The following CHD5 variants were observed in gnomAD, a reference collection of about 807,000 sequenced individuals.
CHD5 encodes ATP-dependent chromatin remodeler CHD5.
Under a neutral mutation model 230.3 loss-of-function variants are expected in CHD5, and 69 were observed. The ratio of observed to expected loss-of-function variants is 0.30; its 90% CI spans 0.25 to 0.37. CHD5 has a LOEUF of 0.37. CHD5 is among the 10% of genes least tolerant of loss of function. The pLI is 1.00. For missense variants in CHD5, 1,827 were observed against 2,622.8 expected (o/e 0.70, Z 6.63); for synonymous variants, 1,064 against 1,065.9 (o/e 1.00, Z 0.03).
rs192059204 is a variant in CHD5, at chr1:6,105,985, C to T, written c.*46+249G>A. Among the ~76,000 whole-genome samples the T allele has an allele frequency of 3.9e-4, 60 of 152,294 alleles. No homozygotes were observed. Among genetic ancestry groups the T allele is most frequent in the Non-Finnish European group, 6.8e-4 (46 of 68,018 alleles). On this transcript the variant is annotated intron_variant, in intron 41 of 41. Transcript: ENST00000262450. This position sits in a 1 kb window ranked among gnomAD's most constrained non-coding sequence, Gnocchi z 4.8. ...CACACAGGAGCTCACCCAAGTCCAC[C>T]GACCCCTTCATGTCCTGCCACCCCA...
In CHD5 at chr1:6,134,104, C is replaced by CG. The variant is rs749376868; in HGVS notation, c.3144+23dup. ...CTCTCTGTGGGGTGTGGAGCCGGGG[C>CG]GGGGGTGGGCAGGGGCAGCGCACCT... On this transcript the variant is annotated intron_variant, in intron 20 of 41. Transcript: ENST00000262450. This position sits in a 1 kb window ranked among gnomAD's most constrained non-coding sequence, Gnocchi z 6.3. 9.6e-7 allele frequency: 1 copy of CG among 1,038,626 alleles called. No homozygotes were observed. Among genetic ancestry groups the CG allele is most frequent in the Admixed American group, 1.9e-5 (1 of 52,626 alleles). The allele number at this position is 1,038,626 out of a possible 1,614,324, so 64.3% of individuals were successfully genotyped here. A position where few individuals can be genotyped will look rare whatever the true frequency, so the allele number is the denominator to read the frequency against.
intron 1 of CHD5, among the ~76,000 whole-genome samples, chr1:6,175,212 T>C (rs1014489526): frequency 2.1e-5 from 3 of 145,474 alleles, no homozygotes; most frequent in African/African-American, 7.9e-5. Context: ...GATGAGTGGA[T>C]GGTGGTTGGA....
In CHD5 at chr1:6,142,978, T is replaced by C. The variant is rs548779995; in HGVS notation, c.2044-373A>G. On this transcript the variant is annotated intron_variant, in intron 13 of 41. Coordinates refer to ENST00000262450, the MANE Select transcript of CHD5 (RefSeq NM_015557.3). The surrounding 1 kb of genome is among the most constrained non-coding windows in gnomAD (Gnocchi z 5.2). ...ATGTGGTCACTTACTCACCATTTTT[T>C]GGATGAACAACAAAACGAACATCCA... is the stretch of plus-strand genomic sequence containing the variant. Among the ~76,000 whole-genome samples the C allele has an allele frequency of 2.5e-4, 38 of 152,294 alleles. No individual in the cohort carries two copies. The highest frequency in any genetic ancestry group is 8.7e-4 in the African/African-American group (36 of 41,554).
intron 39 of CHD5, 26 bp downstream of exon 39, chr1:6,106,590 G>A: frequency 6.4e-7 from 1 of 1,553,070 alleles, no homozygotes; most frequent in South Asian, 1.2e-5. Context: ...GGGGGCTCGG[G>A]CCGGGGCACA....
chr1:6,134,604 C>T lies in CHD5; in HGVS notation c.3012+114G>A, dbSNP rs996406452. 1.0e-5 allele frequency: 12 copies of T among 1,152,426 alleles called. No individual in the cohort carries two copies. Among genetic ancestry groups the T allele is most frequent in the East Asian group, 4.7e-5 (2 of 42,558 alleles). The allele number at this position is 1,152,426 out of a possible 1,614,324, so 71.4% of individuals were successfully genotyped here. On this transcript the variant is annotated intron_variant, in intron 19 of 41. Coordinates refer to ENST00000262450, the MANE Select transcript of CHD5 (RefSeq NM_015557.3). The surrounding 1 kb of genome is among the most constrained non-coding windows in gnomAD (Gnocchi z 6.3). The stretch of plus-strand genomic sequence containing the variant: ...AACCTACCATGACAGCCACAGAAAT[C>T]GCCACAATGGCCAGGAGAACCTATC...
In CHD5 at chr1:6,134,655, GCGGCCACAGGCACC is replaced by G. The variant is rs1557547464; in HGVS notation, c.3012+49_3012+62del. On this transcript the variant is annotated intron_variant, in intron 19 of 41. Coordinates refer to ENST00000262450, the MANE Select transcript of CHD5 (RefSeq NM_015557.3). The surrounding 1 kb of genome is among the most constrained non-coding windows in gnomAD (Gnocchi z 6.3). ...ACAGCGGCCACAGGGACCTACCATG[GCGGCCACAGGCACC>G]TACCATGGCGGTCATGGAGAAGCTG... The G allele has an allele frequency of 5.8e-4, 881 of 1,526,840 alleles. 3 individuals carry two copies. In the African/African-American group the frequency reaches 0.015, roughly 26 times the overall value. 94.6% of individuals were successfully genotyped at this position (1,526,840 alleles called of 1,614,324 possible).
intron 3 of CHD5, among the ~76,000 whole-genome samples, chr1:6,156,742 TG>T (rs1667087243): frequency 1.3e-5 from 2 of 151,714 alleles, no homozygotes; most frequent in South Asian, 4.2e-4. Context: ...AGGGACATCC[TG>T]GGGGCACAGC....
chr1:6,121,506 G>C lies in CHD5; in HGVS notation c.4767C>G (p.Pro1589=). ...KDPGAQKPRQ[P]LEVQALPAAL... ...GCAAGTTCCACACCTGGACTTCCAG[G>C]GGCTGCCTTGGCTTCTGTGCCCCGG... is the stretch of plus-strand genomic sequence containing the variant. Residue 1589 remains proline, a synonymous_variant, in exon 32 of 42, where the codon CCC becomes CCG. Transcript: ENST00000262450. This position sits in a 1 kb window ranked among gnomAD's most constrained non-coding sequence, Gnocchi z 4.5. 2 of 1,612,306 alleles carry C rather than the reference G, an allele frequency of 1.2e-6. No homozygotes were observed. Among genetic ancestry groups the C allele is most frequent in the Non-Finnish European group, 1.7e-6 (2 of 1,179,246 alleles).
Position 6,114,146 on chromosome 1 carries a change from G to A in CHD5, c.4913-1148C>T, listed in dbSNP as rs182252459. 3.4e-3 allele frequency among the ~76,000 whole-genome samples: 516 copies of A among 152,132 alleles called. 3 individuals carry two copies. The highest frequency in any genetic ancestry group is 0.012 in the African/African-American group (499 of 41,496). On this transcript the variant is annotated intron_variant, in intron 33 of 41. Coordinates refer to ENST00000262450, the MANE Select transcript of CHD5 (RefSeq NM_015557.3). ...CACGTGCCTGTAATCCTAGCTACTC[G>A]GGAGGTTGAGGCAGGAGAATCGCTT...
chr1:6,177,601 G>A (rs1244232689), intron 1 of CHD5, among the ~76,000 whole-genome samples: 8 of 152,136 alleles, frequency 5.3e-5, no homozygotes, highest in Admixed American at 4.6e-4. Flanking sequence ...TTCAAATCCA[G>A]CTTGGGCAAC....
chr1:6,146,750 G>A lies in CHD5; in HGVS notation c.1505C>T (p.Pro502Leu), dbSNP rs763725149. 3.1e-6 allele frequency: 5 copies of A among 1,610,708 alleles called. No homozygotes were observed. The South Asian group carries it at 5.5e-5, about 18-fold the overall frequency. Residue 502 changes from proline (P) to leucine (L), a missense_variant, in exon 10 of 42, where the codon CCC becomes CTC. This residue lies in a region of CHD5 where 657 missense variants were observed against 816.4 expected (regional missense o/e 0.80). Coordinates refer to ENST00000262450, the MANE Select transcript of CHD5 (RefSeq NM_015557.3). The surrounding 1 kb of genome is among the most constrained non-coding windows in gnomAD (Gnocchi z 5.1). The stretch of plus-strand genomic sequence containing the variant: ...CTCTCTCTCAGGGATGCCCTCCAGG[G>A]GCTTAGGTGGAGGGAGGCTGGGCTC... Reference protein sequence around the residue: ...DVEPSLPPPKPLEGIPEREFF... With the variant: ...DVEPSLPPPKLLEGIPEREFF...
chr1:6,123,870 G>T, intron 31 of CHD5, 78 bp downstream of exon 31: 1 of 1,046,956 alleles, frequency 9.6e-7, no homozygotes, highest in Non-Finnish European at 1.3e-6. Flanking sequence ...GTGGGATTGT[G>T]GGTTAGACTA....
At chr1:6,140,850 C>T (rs532070480) in intron 15 of CHD5, among the ~76,000 whole-genome samples, 33 of 151,928 alleles carry the variant, frequency 2.2e-4, no homozygotes, top group African/African-American at 7.7e-4. Flanking sequence ...AAATTTAGAA[C>T]TTAGCTGAGT....
intron 3 of CHD5, among the ~76,000 whole-genome samples, chr1:6,158,924 G>A (rs551591293): frequency 6.0e-4 from 82 of 135,780 alleles, no homozygotes; most frequent in Non-Finnish European, 1.1e-3. Context: ...GGAGAATGGC[G>A]TGAACCCGGG....
chr1:6,172,311 A>G (rs1667351041), intron 1 of CHD5, among the ~76,000 whole-genome samples: 1 of 152,272 alleles, frequency 6.6e-6, no homozygotes, highest in Middle Eastern at 3.4e-3. Flanking sequence ...GAGGGGTACT[A>G]TTCTTTCTGG....
chr1:6,103,408 G>A lies in CHD5; in HGVS notation c.*2066C>T, dbSNP rs570494998. 1.3e-5 allele frequency: 2 copies of A among 152,742 alleles called. No homozygotes were observed. The highest frequency in any genetic ancestry group is 4.8e-5 in the African/African-American group (2 of 41,586). The allele number at this position is 152,742 out of a possible 1,614,324, so 9.5% of individuals were successfully genotyped here. On this transcript the variant is annotated 3_prime_UTR_variant, in exon 42 of 42. Coordinates refer to ENST00000262450, the MANE Select transcript of CHD5 (RefSeq NM_015557.3). ...CCTGAGAGGAAGGCGCACAGGGGAG[G>A]GACCATCAGCCCTTGGGGTGGAGAC...
chr1:6,114,022 G>A lies in CHD5; in HGVS notation c.4913-1024C>T, dbSNP rs565164429. Among the ~76,000 whole-genome samples, 60 of 152,272 alleles carry A rather than the reference G, an allele frequency of 3.9e-4. 1 individual carries two copies. Among genetic ancestry groups the A allele is most frequent in the African/African-American group, 9.6e-5 (4 of 41,558 alleles). ...CCTAGCACTTTGGGAGGCCGAGGCCGGAGGATCACAAGGTCAGGAGTTCGA... is the reference window on the plus strand; with the variant it reads ...CCTAGCACTTTGGGAGGCCGAGGCCAGAGGATCACAAGGTCAGGAGTTCGA... On this transcript the variant is annotated intron_variant, in intron 33 of 41. Coordinates refer to ENST00000262450, the MANE Select transcript of CHD5 (RefSeq NM_015557.3).
At chr1:6,175,319 T>C (rs1002400502) in intron 1 of CHD5, among the ~76,000 whole-genome samples, 1 of 148,162 alleles carries the variant, frequency 6.7e-6, no homozygotes, top group African/African-American at 2.5e-5. Context: ...GGATGGTGGA[T>C]GGATGAATGG....
chr1:6,112,998 T>C lies in CHD5; in HGVS notation c.4913A>G (p.Glu1638Gly), dbSNP rs747961240. 6.2e-7 allele frequency: 1 copy of C among 1,611,658 alleles called. No individual in the cohort carries two copies. Among genetic ancestry groups the C allele is most frequent in the East Asian group, 2.2e-5 (1 of 44,876 alleles). Residue 1638 changes from glutamate (E) to glycine (G), a missense_variant and splice_region_variant, in exon 34 of 42, where the codon GAG becomes GGG. By Grantham distance (98) the Glu-to-Gly change is moderately conservative (BLOSUM62 -2). Coordinates refer to ENST00000262450, the MANE Select transcript of CHD5 (RefSeq NM_015557.3). Reference sequence around the variant, plus strand: ...CTTCTCCTTCTCAGGAAGCACCTCCTCTGCAAGAAAAAGAGGGTTCGCGGC... The same window carrying C: ...CTTCTCCTTCTCAGGAAGCACCTCCCCTGCAAGAAAAAGAGGGTTCGCGGC... Reference protein sequence around the residue: ...APPSPEQLPREEVLPEKEKIL... With the variant: ...APPSPEQLPRGEVLPEKEKIL...
Sources: allele counts gnomAD v4.1 joint callset (sites outside exome capture counted in the v4.1 genomes callset), GRCh38; gene constraint gnomAD v4.1.1; regional missense constraint gnomAD v4.1.1; non-coding constraint Gnocchi (gnomAD v3.1); transcripts MANE v1.5; gene names NCBI Gene and HGNC (gene_info 2026-07-23, HGNC 2026-07-21).